ASTN2: variants seen among roughly 807,000 people sequenced by gnomAD.
ASTN2 encodes astrotactin-2.
A neutral mutation model predicts 139.8 loss-of-function variants in ASTN2; 54 were observed. The ratio of observed to expected loss-of-function variants is 0.39; its 90% CI spans 0.31 to 0.48. ASTN2 has a LOEUF of 0.48. Ranked by LOEUF, ASTN2 falls within the 20% of genes least tolerant of loss-of-function variation. ASTN2 has a pLI of 0.95. For synonymous variants in ASTN2, 756 were observed against 719.5 expected, an observed-to-expected ratio of 1.05 and a Z score of -0.81; for missense variants, 1,565 against 1,725.1, an observed-to-expected ratio of 0.91 and a Z score of 1.64.
At chr9:117,189,163 G>T (rs141863340) in intron 3 of ASTN2, among the ~76,000 whole-genome samples, 1 of 152,084 alleles carries the variant, frequency 6.6e-6, no homozygotes, top group African/African-American at 2.4e-5. Context: ...AGAAAACAAC[G>T]GCACTTAAAA....
rs532586654 is a variant in ASTN2 at position 116,486,117 on chromosome 9, T to C, written c.3497+1242A>G. Among the ~76,000 whole-genome samples, 52 of 152,366 alleles carry C rather than the reference T, an allele frequency of 3.4e-4. 1 individual carries two copies. Among genetic ancestry groups the C allele is most frequent in the Admixed American group, 9.1e-4 (14 of 15,306 alleles). On this transcript the variant is annotated intron_variant, in intron 20 of 22. Coordinates refer to ENST00000313400, the MANE Select transcript of ASTN2 (RefSeq NM_001365068.1). ...AAGAGACCTATAGGGGTAAAGCAAC[T>C]TACCTAAAGTCACATAACTAAAAAT...
At chr9:116,541,510 G>C (rs1851877041) in intron 19 of ASTN2, among the ~76,000 whole-genome samples, 1 of 152,164 alleles carries the variant, frequency 6.6e-6, no homozygotes, top group African/African-American at 2.4e-5. Flanking sequence ...TAGTTAATTG[G>C]ACTGAGAGTA....
At chr9:117,081,284 A>C (rs964081733) in intron 5 of ASTN2, among the ~76,000 whole-genome samples, 7 of 152,122 alleles carry the variant, frequency 4.6e-5, no homozygotes, top group Non-Finnish European at 1.0e-4. Context: ...CTTCACGTGG[A>C]GCACTAGTTT....
chr9:117,219,223 A>G (rs2133033576), intron 2 of ASTN2, among the ~76,000 whole-genome samples: 1 of 152,272 alleles, frequency 6.6e-6, no homozygotes. Context: ...CCTGGTCCAC[A>G]CCCATAGAAT....
intron 6 of ASTN2, among the ~76,000 whole-genome samples, chr9:117,029,974 C>A (rs1452857459): frequency 6.6e-6 from 1 of 151,880 alleles, no homozygotes. Context: ...ATGAATCAGC[C>A]CACTAATACT....
At chr9:116,717,511 G>C (rs368511527) in intron 16 of ASTN2, among the ~76,000 whole-genome samples, 1 of 152,112 alleles carries the variant, frequency 6.6e-6, no homozygotes, top group African/African-American at 2.4e-5. Flanking sequence ...CCTAGAGCTA[G>C]ATTGATCCTA....
At chr9:117,154,201 A>G (rs1241683301) in intron 3 of ASTN2, among the ~76,000 whole-genome samples, 2 of 152,118 alleles carry the variant, frequency 1.3e-5, no homozygotes. Context: ...TTAAAAATAG[A>G]CTGGCTAAAT....
chr9:117,411,441 A>T (rs1346555292), intron 1 of ASTN2, among the ~76,000 whole-genome samples: 1 of 121,990 alleles, frequency 8.2e-6, no homozygotes, highest in Admixed American at 8.7e-5. Flanking sequence ...AAAGGAAAGG[A>T]TCTGCAAAAA....
At position 117,100,142 on chromosome 9, in the gene ASTN2, C is replaced by CT. The variant is rs1828940632; in HGVS notation, c.1169-3992dup. Among the ~76,000 whole-genome samples, 3 of 152,348 alleles carry CT rather than the reference C, an allele frequency of 2.0e-5. No individual in the cohort carries two copies. In the South Asian group the frequency reaches 6.2e-4, roughly 32 times the overall value. On this transcript the variant is annotated intron_variant, in intron 4 of 22. Coordinates refer to ENST00000313400, the MANE Select transcript of ASTN2 (RefSeq NM_001365068.1). ...GAACTCTAATCAGGCTTAGCAAGATCTTTGTGACTCTCCCATCTTTCCACA... is the reference window on the plus strand; with the variant it reads ...GAACTCTAATCAGGCTTAGCAAGATCTTTTGTGACTCTCCCATCTTTCCACA...
intron 1 of ASTN2, among the ~76,000 whole-genome samples, chr9:117,323,402 G>A (rs141020814): frequency 1.3e-4 from 20 of 151,956 alleles, no homozygotes; most frequent in Admixed American, 5.2e-4. Context: ...TTTACCCAAC[G>A]TCTGGAATTA....
intron 6 of ASTN2, among the ~76,000 whole-genome samples, chr9:117,015,028 G>A (rs1004513828): frequency 5.9e-5 from 9 of 152,038 alleles, no homozygotes; most frequent in African/African-American, 2.2e-4. Context: ...TGTTGTTGTT[G>A]TTGTTGTTGA....
Position 117,134,295 on chromosome 9 carries a change from TACACACACACACACAC to T in ASTN2, c.1168+7015_1168+7030del, listed in dbSNP as rs3041140. ...ATATATATATATATATATATATATATACACACACACACACACACACACACACACACACACACACACA... is the reference window on the plus strand; with the variant it reads ...ATATATATATATATATATATATATATACACACACACACACACACACACACA... On this transcript the variant is annotated intron_variant, in intron 4 of 22. Coordinates refer to ENST00000313400, the MANE Select transcript of ASTN2 (RefSeq NM_001365068.1). Among the ~76,000 whole-genome samples, 51 of 75,812 alleles carry T rather than the reference TACACACACACACACAC, an allele frequency of 6.7e-4. 1 individual carries two copies. The highest frequency in any genetic ancestry group is 2.6e-3 in the African/African-American group (49 of 18,846). 49.7% of individuals were successfully genotyped at this position (75,812 alleles called of 152,430 possible). A position where few individuals can be genotyped will look rare whatever the true frequency, so the allele number is the denominator to read the frequency against.
chr9:116,984,631 A>T (rs984684024), intron 7 of ASTN2, among the ~76,000 whole-genome samples: 1 of 152,206 alleles, frequency 6.6e-6, no homozygotes, highest in Non-Finnish European at 1.5e-5. Context: ...GGAGAGACTA[A>T]AGTAAGAGGG....
chr9:116,786,911 TAGTC>T (rs1304635677), intron 13 of ASTN2, among the ~76,000 whole-genome samples: 29 of 152,176 alleles, frequency 1.9e-4, no homozygotes, highest in Non-Finnish European at 7.3e-5. Flanking sequence ...GTTCTCATAA[TAGTC>T]AGTCAGTTCT....
At chr9:116,964,716 T>C (rs1014388161) in intron 10 of ASTN2, among the ~76,000 whole-genome samples, 14 of 152,184 alleles carry the variant, frequency 9.2e-5, no homozygotes, top group Non-Finnish European at 2.1e-4. Flanking sequence ...TAAATATAAG[T>C]GACAATGATA....
chr9:116,806,522 A>T (rs948343767), intron 12 of ASTN2, among the ~76,000 whole-genome samples: 2 of 152,224 alleles, frequency 1.3e-5, no homozygotes, highest in Admixed American at 6.5e-5. Context: ...CTGAAAAATC[A>T]TTCCAGAAAC....
At chr9:117,345,328 G>C (rs1285676466) in intron 1 of ASTN2, among the ~76,000 whole-genome samples, 1 of 152,128 alleles carries the variant, frequency 6.6e-6, no homozygotes, top group Admixed American at 6.6e-5. Context: ...TCCCTGACCA[G>C]ATGGATTTAC....
chr9:116,472,196 A>T (rs1426236786), intron 20 of ASTN2, among the ~76,000 whole-genome samples: 3 of 152,026 alleles, frequency 2.0e-5, no homozygotes, highest in Non-Finnish European at 4.4e-5. Context: ...CTCCAACCTC[A>T]TATACTGTAC....
chr9:116,885,406 C>T (rs1833570375), intron 10 of ASTN2, among the ~76,000 whole-genome samples: 1 of 152,136 alleles, frequency 6.6e-6, no homozygotes, highest in South Asian at 2.1e-4. Flanking sequence ...TGGCTCATGC[C>T]TATAATCCCA....
Sources: allele counts gnomAD v4.1 joint callset (sites outside exome capture counted in the v4.1 genomes callset), GRCh38; gene constraint gnomAD v4.1.1; transcripts MANE v1.5; gene names NCBI Gene and HGNC (gene_info 2026-07-23, HGNC 2026-07-21).